FABP6: variants seen among roughly 807,000 people sequenced by gnomAD.
The protein encoded by FABP6 is fatty acid binding protein 6.
In FABP6, 13 loss-of-function variants were observed where a neutral mutation model predicts 14.9. The ratio of observed to expected loss-of-function variants is 0.87; its 90% CI spans 0.57 to 1.39. FABP6 has a LOEUF of 1.39. FABP6 is among the 40% of genes most tolerant of loss of function. The probability of loss-of-function intolerance (pLI) is 0.00; values close to 1 mark genes in which losing one functional copy is unlikely to be tolerated. For missense variants in FABP6, 161 were observed against 167.2 expected (o/e 0.96, Z 0.20); for synonymous variants, 75 against 63.6 (o/e 1.18, Z -0.85).
chr5:160,208,511 G>A (rs559631877), intron 2 of FABP6, among the ~76,000 whole-genome samples: 1 of 152,276 alleles, frequency 6.6e-6, no homozygotes, highest in East Asian at 1.9e-4. Context: ...TCATGTTGAA[G>A]CTTACTACCC....
rs149522682 is a variant in FABP6 at position 160,206,172 on chromosome 5, G to C, written c.51+7015G>C. Among the ~76,000 whole-genome samples the C allele has an allele frequency of 4.1e-3, 625 of 152,256 alleles. 9 individuals carry two copies. Among genetic ancestry groups the C allele is most frequent in the African/African-American group, 0.015 (609 of 41,554 alleles). ...AAGCAGGCTGGGCGTGGTGGCTCAT[G>C]CCTGTAATCCCAACTTTGGGAAGCC... On this transcript the variant is annotated intron_variant, in intron 2 of 6. Transcript: ENST00000393980.
rs891006935 is a variant in FABP6 at position 160,189,790 on chromosome 5, C to T, written c.-59+2336C>T. Among the ~76,000 whole-genome samples, 4 of 152,280 alleles carry T rather than the reference C, an allele frequency of 2.6e-5. No individual in the cohort carries two copies. The South Asian group carries it at 6.2e-4, about 24-fold the overall frequency. ...TAGTTGTGGGAATGAAGTGAGAATACAGATGAAGCTATCGCATAAAGGATA... is the reference window on the plus strand; with the variant it reads ...TAGTTGTGGGAATGAAGTGAGAATATAGATGAAGCTATCGCATAAAGGATA... On this transcript the variant is annotated intron_variant, in intron 1 of 6. Transcript: ENST00000393980.
intron 1 of FABP6, chr5:160,198,985 T>C (rs529922832): frequency 1.4e-5 from 14 of 988,978 alleles, no homozygotes; most frequent in Non-Finnish European, 2.2e-5. Flanking sequence ...AATAGACAAA[T>C]GAATGAACAA....
chr5:160,231,783 T>C (rs937735297), intron 1 of FABP6, among the ~76,000 whole-genome samples: 1 of 152,188 alleles, frequency 6.6e-6, no homozygotes, highest in Non-Finnish European at 1.5e-5. Flanking sequence ...TTATTATTGA[T>C]GAGCACCCAC....
chr5:160,205,259 A>T (rs1297830103), intron 2 of FABP6, among the ~76,000 whole-genome samples: 3 of 137,906 alleles, frequency 2.2e-5, no homozygotes, highest in Non-Finnish European at 4.6e-5. Context: ...CAGAGGTTGC[A>T]GTGAGCCGAG....
In FABP6 at chr5:160,188,547, C is replaced by A. The variant is rs180764522; in HGVS notation, c.-59+1093C>A. 5.2e-3 allele frequency among the ~76,000 whole-genome samples: 788 copies of A among 152,282 alleles called. 7 individuals carry two copies. The highest frequency in any genetic ancestry group is 0.018 in the African/African-American group (759 of 41,580). ...CTTTCCCGCTGGGGAGAGGCCGCCG[C>A]CGCGCGGCGCTCGGCCTGCACCGAC... On this transcript the variant is annotated intron_variant, in intron 1 of 6. Transcript: ENST00000393980.
chr5:160,236,349 A>T (rs1430073252), intron 3 of FABP6, among the ~76,000 whole-genome samples: 1 of 152,058 alleles, frequency 6.6e-6, no homozygotes, highest in African/African-American at 2.4e-5. Flanking sequence ...CTAATCCTTC[A>T]TGGGGACTCC....
chr5:160,191,292 C>T (rs938361153), intron 1 of FABP6, among the ~76,000 whole-genome samples: 1 of 151,870 alleles, frequency 6.6e-6, no homozygotes, highest in African/African-American at 2.4e-5. Flanking sequence ...ATGGTGACAC[C>T]CCGTCTTTAC....
chr5:160,221,809 C>T (rs937396055), intron 3 of FABP6, among the ~76,000 whole-genome samples: 11 of 152,008 alleles, frequency 7.2e-5, no homozygotes, highest in South Asian at 4.1e-4. Context: ...ACAGTGTCTC[C>T]GAATTTCATT....
intron 1 of FABP6, 72 bp from the exon 2 acceptor site, chr5:160,232,026 G>A (rs1319635399): frequency 1.3e-6 from 2 of 1,552,534 alleles, no homozygotes; most frequent in East Asian, 2.3e-5. Flanking sequence ...GGGTGGGCAG[G>A]AAAGCTCTTT....
chr5:160,237,626 C>T (rs1439874269), intron 3 of FABP6, among the ~76,000 whole-genome samples: 19 of 152,104 alleles, frequency 1.2e-4, no homozygotes, highest in Admixed American at 7.9e-4. Flanking sequence ...CCACCTCTCC[C>T]CCACCTTCCA....
chr5:160,193,661 A>C (rs1759448112), intron 1 of FABP6, among the ~76,000 whole-genome samples: 1 of 152,156 alleles, frequency 6.6e-6, no homozygotes, highest in African/African-American at 2.4e-5. Flanking sequence ...GAGCAGCTAG[A>C]TACAGTGTCG....
At chr5:160,220,730 A>T (rs983628355) in intron 3 of FABP6, among the ~76,000 whole-genome samples, 1 of 152,030 alleles carries the variant, frequency 6.6e-6, no homozygotes, top group African/African-American at 2.4e-5. Flanking sequence ...CTTATGTTAC[A>T]GTCTTTATTT....
At chr5:160,231,560 AT>A (rs1233466806) in intron 1 of FABP6, among the ~76,000 whole-genome samples, 1 of 151,834 alleles carries the variant, frequency 6.6e-6, no homozygotes, top group Admixed American at 6.6e-5. Context: ...TGCCCAGATA[AT>A]TTTTTTGTAT....
intron 3 of FABP6, among the ~76,000 whole-genome samples, chr5:160,235,226 C>A (rs934189550): frequency 6.6e-5 from 10 of 152,188 alleles, no homozygotes; most frequent in Non-Finnish European, 1.3e-4. Context: ...GGACACGAGA[C>A]TGGAAGCCCG....
At chr5:160,210,251 C>T (rs891324215) in intron 2 of FABP6, among the ~76,000 whole-genome samples, 2 of 152,200 alleles carry the variant, frequency 1.3e-5, no homozygotes, top group Non-Finnish European at 2.9e-5. Flanking sequence ...AGTTCTGGCA[C>T]CCAGTGATGA....
upstream of FABP6, among the ~76,000 whole-genome samples, chr5:160,224,888 G>A (rs570373926): frequency 1.1e-4 from 16 of 150,626 alleles, no homozygotes; most frequent in South Asian, 1.0e-3. Context: ...AGTGATTCTC[G>A]TGGCTCAGCC....
At chr5:160,196,372 G>A (rs903541092) in intron 1 of FABP6, among the ~76,000 whole-genome samples, 1 of 152,174 alleles carries the variant, frequency 6.6e-6, no homozygotes, top group Non-Finnish European at 1.5e-5. Flanking sequence ...ATGAACAACA[G>A]GAGGCCCCAA....
At chr5:160,199,020 C>T in intron 1 of FABP6, 1 of 1,395,554 alleles carries the variant, frequency 7.2e-7, no homozygotes, top group Non-Finnish European at 1.0e-6. Flanking sequence ...GAGCCCCTCC[C>T]AGCGTGCTGG....
Sources: gnomAD v4.1 joint callset for allele counts (sites outside exome capture counted in the v4.1 genomes callset) on GRCh38, gnomAD v4.1.1 for gene constraint, MANE v1.5 for transcripts, NCBI Gene and HGNC (gene_info 2026-07-23, HGNC 2026-07-21) for gene names.